TG: variants seen among roughly 807,000 people sequenced by gnomAD.
TG encodes thyroglobulin.
A neutral mutation model predicts 324.7 loss-of-function variants in TG; 270 were observed. That is an observed-to-expected ratio of 0.83 (90% CI 0.75 to 0.92). The LOEUF is 0.92. Among genes scored for constraint, TG ranks in the 40% least tolerant of loss-of-function variants. The pLI, the probability that TG is intolerant of heterozygous loss-of-function variation, is 0.00. For synonymous variants in TG, 1,401 were observed against 1,327.0 expected (o/e 1.06, Z -1.21); for missense variants, 3,591 against 3,456.4 (o/e 1.04, Z -0.98).
intron 45 of TG, among the ~76,000 whole-genome samples, chr8:133,117,589 G>A (rs1190322296): frequency 2.0e-5 from 3 of 152,214 alleles, no homozygotes; most frequent in African/African-American, 4.8e-5. Context: ...ATCATAGTGA[G>A]GTGCCTTTGG....
At chr8:133,076,747 G>T (rs1327217933) in intron 41 of TG, 1 of 135,124 alleles carries the variant, frequency 7.4e-6, no homozygotes, top group Non-Finnish European at 1.6e-5. Context: ...TCCACAAACT[G>T]GGATTTAGCT....
rs1426593054 is a variant in TG, at chr8:132,897,685, A to G, written c.3038A>G (p.Asp1013Gly). 6.2e-7 allele frequency: 1 copy of G among 1,614,038 alleles called. No individual in the cohort carries two copies. Among genetic ancestry groups the G allele is most frequent in the Non-Finnish European group, 8.5e-7 (1 of 1,180,034 alleles). ...TATCAGAGACGCCGCTTTTCCCCGGACGACTCGGCTGGAGCATCCGCCCTT... is the reference window on the plus strand; with the variant it reads ...TATCAGAGACGCCGCTTTTCCCCGGGCGACTCGGCTGGAGCATCCGCCCTT... ...SFYQRRRFSP[D>G]DSAGASALLR... The change falls in exon 12 of 48, where the codon GAC becomes GGC. Residue 1013 changes from aspartate to glycine, a missense_variant. By Grantham distance (94) the Asp-to-Gly change is moderately conservative. Transcript: ENST00000220616.
chr8:132,947,647 TTTC>T (rs1367567386), intron 26 of TG, among the ~76,000 whole-genome samples: 1 of 152,062 alleles, frequency 6.6e-6, no homozygotes, highest in Admixed American at 6.6e-5. Context: ...CTTTTTTTTT[TTTC>T]CAGGAGAGTC....
At position 132,901,425 on chromosome 8, in the gene TG, G is replaced by T. The variant is rs368700185; in HGVS notation, c.3506G>T (p.Cys1169Phe). Residue 1169 changes from cysteine to phenylalanine, a missense_variant, in exon 16 of 48, where the codon TGC becomes TTC. Cys to Phe is a radical substitution (Grantham distance 205). Transcript: ENST00000220616. ...RRVSPGYVPACRAEDGGFSPV... is the reference protein window; with the variant it reads ...RRVSPGYVPAFRAEDGGFSPV... ...GTCAGCCCAGGCTATGTCCCAGCCT[G>T]CAGGGCAGAGGATGGGGGCTTTTCC... The T allele has an allele frequency of 3.7e-6, 6 of 1,614,122 alleles. No individual in the cohort carries two copies. The African/African-American group carries it at 8.0e-5, about 22-fold the overall frequency.
chr8:133,050,792 A>T, intron 41 of TG: 1 of 1,452,036 alleles, frequency 6.9e-7, no homozygotes. Flanking sequence ...TGAAGATTGC[A>T]CAAGTTTTGG....
intron 26 of TG, among the ~76,000 whole-genome samples, chr8:132,946,598 C>G (rs1825338003): frequency 1.3e-5 from 2 of 152,138 alleles, no homozygotes; most frequent in Non-Finnish European, 2.9e-5. Flanking sequence ...CCCTCCTTCC[C>G]CTCCTTTCCT....
At chr8:132,911,347 C>A in intron 18 of TG, 30 bp from the exon 19 acceptor site, 1 of 1,614,176 alleles carries the variant, frequency 6.2e-7, no homozygotes, top group Non-Finnish European at 8.5e-7. Flanking sequence ...ACTCTGTGTT[C>A]TTGAGCTGAA....
chr8:132,980,455 T>TC (rs929071420), intron 34 of TG, among the ~76,000 whole-genome samples: 51 of 151,592 alleles, frequency 3.4e-4, no homozygotes, highest in African/African-American at 9.2e-4. Context: ...GTGTGGAGGC[T>TC]CCCCCCCGGC....
intron 33 of TG, 144 bp downstream of exon 33, chr8:132,972,017 G>C (rs1829594157): frequency 2.8e-6 from 2 of 712,112 alleles, no homozygotes; most frequent in African/African-American, 1.8e-5. Context: ...AGGGCAACTG[G>C]CTAATAAATG....
intron 10 of TG, among the ~76,000 whole-genome samples, chr8:132,890,959 G>A (rs1042147458): frequency 6.6e-6 from 1 of 152,204 alleles, no homozygotes; most frequent in African/African-American, 2.4e-5. Flanking sequence ...TGTATGATGG[G>A]AAGACAGTCA....
intron 27 of TG, among the ~76,000 whole-genome samples, chr8:132,958,606 T>A (rs1475725220): frequency 1.3e-5 from 2 of 151,674 alleles, no homozygotes; most frequent in African/African-American, 2.4e-5. Context: ...TAATCCCAGC[T>A]ACTTGGGAGG....
chr8:133,114,609 C>T (rs890846436), intron 44 of TG, among the ~76,000 whole-genome samples: 2 of 152,158 alleles, frequency 1.3e-5, no homozygotes, highest in African/African-American at 4.8e-5. Flanking sequence ...CCTTTGAGTC[C>T]CCTCACAGGT....
chr8:132,878,668 C>T (rs1056028810), intron 5 of TG, among the ~76,000 whole-genome samples: 2 of 151,878 alleles, frequency 1.3e-5, no homozygotes, highest in Admixed American at 6.6e-5. Flanking sequence ...TCAGAGGCTG[C>T]GAATGTTGGG....
chr8:132,962,454 A>G (rs866795258), intron 28 of TG, among the ~76,000 whole-genome samples: 3 of 152,176 alleles, frequency 2.0e-5, no homozygotes, highest in African/African-American at 7.2e-5. Context: ...CTGATGAAAA[A>G]TGAGGGACTT....
At chr8:133,039,322 C>G (rs1282840329) in intron 41 of TG, among the ~76,000 whole-genome samples, 1 of 152,178 alleles carries the variant, frequency 6.6e-6, no homozygotes, top group Non-Finnish European at 1.5e-5. Flanking sequence ...CTGAACTGCT[C>G]TTTTCTTGGA....
intron 41 of TG, among the ~76,000 whole-genome samples, chr8:133,061,014 C>T (rs1842293514): frequency 6.6e-6 from 1 of 152,140 alleles, no homozygotes; most frequent in African/African-American, 2.4e-5. Context: ...TTAACCTTTT[C>T]TGTTTTTGTT....
At position 132,897,613 on chromosome 8, in the gene TG, T is replaced by C. The variant is rs771691584; in HGVS notation, c.3002-36T>C. On this transcript the variant is annotated intron_variant, in intron 11 of 47. Coordinates refer to ENST00000220616, the MANE Select transcript of TG (RefSeq NM_003235.5). ...AGCTACAGAGCCCACACAGAGCAGGTGGTCATATTCTGCTTTTCTCCTTCC... is the reference window on the plus strand; with the variant it reads ...AGCTACAGAGCCCACACAGAGCAGGCGGTCATATTCTGCTTTTCTCCTTCC... The C allele has an allele frequency of 5.3e-5, 85 of 1,613,550 alleles. 4 individuals are homozygous for C. The South Asian group carries it at 8.8e-4, about 17-fold the overall frequency.
At chr8:133,072,660 G>A (rs529672443) in intron 41 of TG, among the ~76,000 whole-genome samples, 5 of 152,288 alleles carry the variant, frequency 3.3e-5, no homozygotes, top group African/African-American at 7.2e-5. Flanking sequence ...TATTAATGCA[G>A]GGCACTGATT....
At chr8:132,905,890 C>T (rs1010369255) in intron 16 of TG, among the ~76,000 whole-genome samples, 4 of 152,224 alleles carry the variant, frequency 2.6e-5, no homozygotes, top group Non-Finnish European at 1.5e-5. Context: ...ATCTTCCAGA[C>T]AGGAGCAGGC....
Sources: gnomAD v4.1 joint callset for allele counts (sites outside exome capture counted in the v4.1 genomes callset) on GRCh38, gnomAD v4.1.1 for gene constraint, MANE v1.5 for transcripts, NCBI Gene and HGNC (gene_info 2026-07-23, HGNC 2026-07-21) for gene names.